HMCN1: variants seen among roughly 807,000 people sequenced by gnomAD.
HMCN1 encodes hemicentin 1, also known as hemicentin-1.
A neutral mutation model predicts 625.9 loss-of-function variants in HMCN1; 321 were observed. The ratio of observed to expected loss-of-function variants is 0.51; its 90% CI spans 0.47 to 0.56. The LOEUF (loss-of-function observed/expected upper bound fraction) is 0.56. Among genes scored for constraint, HMCN1 ranks in the 20% least tolerant of loss-of-function variants. HMCN1 has a pLI of 0.00. For missense variants in HMCN1, 6,588 were observed against 6,887.3 expected (o/e 0.96, Z 1.54); for synonymous variants, 2,425 against 2,417.6 (o/e 1.00, Z -0.09).
At chr1:186,120,861 T>C (rs1347868659) in intron 80 of HMCN1, among the ~76,000 whole-genome samples, 2 of 152,210 alleles carry the variant, frequency 1.3e-5, no homozygotes, top group African/African-American at 2.4e-5. Context: ...TGTTTATACA[T>C]TGATGGAGAA....
intron 68 of HMCN1, among the ~76,000 whole-genome samples, chr1:186,098,505 G>A (rs563504385): frequency 1.3e-5 from 2 of 152,238 alleles, no homozygotes; most frequent in South Asian, 2.1e-4. Context: ...CCTCACTCTA[G>A]TGAGGATGGG....
At chr1:185,796,966 T>C (rs1571365297) in intron 1 of HMCN1, among the ~76,000 whole-genome samples, 1 of 152,206 alleles carries the variant, frequency 6.6e-6, no homozygotes, top group Non-Finnish European at 1.5e-5. Context: ...CCACCAGTAG[T>C]GTATACATGT....
intron 103 of HMCN1, among the ~76,000 whole-genome samples, chr1:186,175,169 A>G (rs558722244): frequency 1.3e-5 from 2 of 152,150 alleles, no homozygotes; most frequent in African/African-American, 4.8e-5. Flanking sequence ...GTTTGTTTTC[A>G]TCTTAGTTAT....
intron 97 of HMCN1, among the ~76,000 whole-genome samples, chr1:186,157,337 T>A (rs1360357133): frequency 1.3e-5 from 2 of 152,162 alleles, no homozygotes; most frequent in African/African-American, 4.8e-5. Flanking sequence ...TAATTCAAAG[T>A]AACACACTTT....
chr1:185,853,084 A>G (rs577705398), intron 2 of HMCN1, among the ~76,000 whole-genome samples: 316 of 152,226 alleles, frequency 2.1e-3, no homozygotes, highest in Non-Finnish European at 3.0e-3. Context: ...AAATAACCTT[A>G]TTGATCTAAT....
chr1:186,166,168 T>C lies in HMCN1; in HGVS notation c.15320-16T>C. On this transcript the variant is annotated splice_polypyrimidine_tract_variant and intron_variant, in intron 98 of 106. Coordinates refer to ENST00000271588, the MANE Select transcript of HMCN1 (RefSeq NM_031935.3). ...ATTTTACATACTGATTTGGGCCTTT[T>C]TGTTTCTTCTTTAAGATGAGGATGA... The C allele has an allele frequency of 6.2e-7, 1 of 1,613,914 alleles. No homozygotes were observed. Among genetic ancestry groups the C allele is most frequent in the Non-Finnish European group, 8.5e-7 (1 of 1,179,966 alleles).
chr1:186,035,136 T>C (rs987683189), intron 36 of HMCN1, among the ~76,000 whole-genome samples: 1 of 152,212 alleles, frequency 6.6e-6, no homozygotes, highest in Admixed American at 6.6e-5. Flanking sequence ...GTTAGATAGC[T>C]ATATTTATAA....
intron 9 of HMCN1, among the ~76,000 whole-genome samples, chr1:185,927,988 A>G (rs879461429): frequency 6.6e-6 from 1 of 152,138 alleles, no homozygotes; most frequent in African/African-American, 2.4e-5. Flanking sequence ...TTTAACCTAC[A>G]TGATAGAGTT....
At chr1:185,804,708 G>A (rs1659056001) in intron 1 of HMCN1, among the ~76,000 whole-genome samples, 1 of 151,868 alleles carries the variant, frequency 6.6e-6, no homozygotes, top group African/African-American at 2.4e-5. Context: ...ACACCTTTAG[G>A]ACATTTCTTA....
chr1:185,933,452 G>T, intron 10 of HMCN1, 97 bp from the exon 11 acceptor site: 2 of 1,170,538 alleles, frequency 1.7e-6, no homozygotes, highest in South Asian at 2.5e-5. Flanking sequence ...TTTCCTACTG[G>T]ATGTTCAGTA....
chr1:186,062,594 G>A lies in HMCN1; in HGVS notation c.7507G>A (p.Val2503Met). The change falls in exon 48 of 107, where the codon GTG (valine) becomes ATG (methionine). Residue 2503 changes from valine (V) to methionine (M), a missense_variant. Coordinates refer to ENST00000271588, the MANE Select transcript of HMCN1 (RefSeq NM_031935.3). ...ACAGAGTGTTACGCTGACTTGTGAA[G>A]TGACAGGTATGGGCTCAGCTCTCAG... is the stretch of plus-strand genomic sequence containing the variant. The part of the protein sequence containing the change: ...EKQSVTLTCE[V>M]TGNPVPEITW... 6.2e-7 allele frequency: 1 copy of A among 1,608,354 alleles called. No individual in the cohort carries two copies. The highest frequency in any genetic ancestry group is 8.5e-7 in the Non-Finnish European group (1 of 1,174,976).
At chr1:185,751,982 T>G (rs1158531699) in intron 1 of HMCN1, among the ~76,000 whole-genome samples, 1 of 152,188 alleles carries the variant, frequency 6.6e-6, no homozygotes, top group Non-Finnish European at 1.5e-5. Flanking sequence ...TATTTCCTTG[T>G]GTGGTTGCTA....
At chr1:186,055,756 C>G (rs1364166675) in intron 45 of HMCN1, 82 bp downstream of exon 45, 13 of 1,319,902 alleles carry the variant, frequency 9.8e-6, no homozygotes, top group Non-Finnish European at 1.2e-5. Context: ...GCCTCAAGTA[C>G]TGAAAGTCAT....
intron 11 of HMCN1, among the ~76,000 whole-genome samples, chr1:185,960,664 C>T (rs182550042): frequency 6.6e-6 from 1 of 152,272 alleles, no homozygotes; most frequent in Admixed American, 6.5e-5. Flanking sequence ...GGGAGAGATG[C>T]CAGGCCATTT....
chr1:185,908,849 ATATAG>A (rs1666248812), intron 4 of HMCN1, among the ~76,000 whole-genome samples: 1 of 148,890 alleles, frequency 6.7e-6, no homozygotes, highest in South Asian at 2.1e-4. Flanking sequence ...TATAATTATA[ATATAG>A]TATAATACAA....
intron 36 of HMCN1, among the ~76,000 whole-genome samples, chr1:186,025,022 C>G (rs978385124): frequency 5.9e-5 from 9 of 152,064 alleles, no homozygotes; most frequent in African/African-American, 2.2e-4. Flanking sequence ...TCAGTGGAAG[C>G]CCTGAGCTTG....
chr1:185,829,046 A>G (rs1386431881), intron 1 of HMCN1, among the ~76,000 whole-genome samples: 5 of 152,194 alleles, frequency 3.3e-5, no homozygotes, highest in Admixed American at 3.3e-4. Flanking sequence ...TAAAATGTAC[A>G]GTACACAAAT....
chr1:185,955,157 T>C (rs775422817), intron 11 of HMCN1, among the ~76,000 whole-genome samples: 4 of 152,170 alleles, frequency 2.6e-5, no homozygotes, highest in Non-Finnish European at 5.9e-5. Flanking sequence ...TTACTTTCTT[T>C]TAGAATGGGG....
At chr1:186,174,078 TA>T (rs1652407474) in intron 102 of HMCN1, among the ~76,000 whole-genome samples, 2 of 152,196 alleles carry the variant, frequency 1.3e-5, no homozygotes, top group African/African-American at 4.8e-5. Flanking sequence ...GGAGTAAGGT[TA>T]AGGCATTGAG....
Sources: allele counts gnomAD v4.1 joint callset (sites outside exome capture counted in the v4.1 genomes callset), GRCh38; gene constraint gnomAD v4.1.1; transcripts MANE v1.5; gene names NCBI Gene and HGNC (gene_info 2026-07-23, HGNC 2026-07-21).